CLVS1: variants seen among roughly 807,000 people sequenced by gnomAD.
CLVS1 encodes clavesin-1.
In CLVS1, 10 loss-of-function variants were observed where a neutral mutation model predicts 33.1. The observed-to-expected ratio is 0.30, with a 90% CI of 0.19 to 0.51. The LOEUF is 0.51. Among genes scored for constraint, CLVS1 ranks in the 20% least tolerant of loss-of-function variants. CLVS1 has a pLI of 0.97. For synonymous variants in CLVS1, 163 were observed against 166.1 expected (o/e 0.98, Z 0.14); for missense variants, 343 against 433.4 (o/e 0.79, Z 1.85).
chr8:61,292,904 T>G (rs1255776080), intron 1 of CLVS1, among the ~76,000 whole-genome samples: 1 of 152,216 alleles, frequency 6.6e-6, no homozygotes, highest in African/African-American at 2.4e-5. Flanking sequence ...TCTAGAATCC[T>G]CTGTCACATA....
At position 61,232,022 on chromosome 8, in the gene CLVS1, G is replaced by GTTTTTTTT. The variant is rs376185436; in HGVS notation, c.-151-67655_-151-67654insTTTTTTTT. On this transcript the variant is annotated intron_variant, in intron 2 of 2. Coordinates refer to the CLVS1 transcript ENST00000522621. Reference sequence around the variant, plus strand: ...GAGAAGGAGCCCTGAGGAAAGTTGTGGTTTTTTTTTTTTTTTTTTTTTTTT... The same window carrying GTTTTTTTT: ...GAGAAGGAGCCCTGAGGAAAGTTGTGTTTTTTTTGTTTTTTTTTTTTTTTTTTTTTTTT... Among the ~76,000 whole-genome samples the GTTTTTTTT allele has an allele frequency of 7.1e-4, 83 of 117,064 alleles. 11 individuals carry two copies. The highest frequency in any genetic ancestry group is 7.8e-3 in the Middle Eastern group (2 of 256). 76.8% of individuals were successfully genotyped at this position (117,064 alleles called of 152,430 possible).
intron 5 of CLVS1, among the ~76,000 whole-genome samples, chr8:61,477,282 A>G (rs1208010662): frequency 6.6e-6 from 1 of 152,120 alleles, no homozygotes; most frequent in Non-Finnish European, 1.5e-5. Flanking sequence ...TGTCTCTGCC[A>G]GGCTTTGGTA....
At chr8:61,331,823 T>TTCC (rs71257360) in intron 2 of CLVS1, among the ~76,000 whole-genome samples, 4,771 of 142,008 alleles carry the variant, frequency 0.034, 200 homozygotes, top group African/African-American at 0.1. Flanking sequence ...CCTCCTCCTC[T>TTCC]TCCTCCTCCT....
chr8:61,025,120 T>C, the CLVS1 span, among the ~76,000 whole-genome samples: 1 of 152,338 alleles, frequency 6.6e-6, no homozygotes, highest in South Asian at 2.1e-4. Flanking sequence ...GTGCTGGGAT[T>C]ACAGGCATGA....
At chr8:61,395,306 G>A (rs1814479282) in intron 3 of CLVS1, among the ~76,000 whole-genome samples, 1 of 152,158 alleles carries the variant, frequency 6.6e-6, no homozygotes, top group Non-Finnish European at 1.5e-5. Flanking sequence ...GGGGGAGAGG[G>A]GGAGGAATGG....
chr8:61,235,815 G>A (rs1376931961), intron 2 of CLVS1, among the ~76,000 whole-genome samples: 4 of 152,206 alleles, frequency 2.6e-5, no homozygotes, highest in South Asian at 4.2e-4. Context: ...GCCACTTCTT[G>A]TTGCTAGAGA....
At chr8:61,314,306 T>C (rs900497648) in intron 2 of CLVS1, among the ~76,000 whole-genome samples, 26 of 152,240 alleles carry the variant, frequency 1.7e-4, no homozygotes, top group Non-Finnish European at 1.5e-5. Context: ...CCACCATGGG[T>C]AGGGTATTTC....
At chr8:61,201,338 A>T (rs755200624) in intron 2 of CLVS1, among the ~76,000 whole-genome samples, 3 of 152,162 alleles carry the variant, frequency 2.0e-5, no homozygotes, top group African/African-American at 7.2e-5. Flanking sequence ...GGCAAGTAAG[A>T]AAAGTTAGTA....
chr8:61,091,564 G>A (rs1429160039), intron 1 of CLVS1, among the ~76,000 whole-genome samples: 1 of 152,234 alleles, frequency 6.6e-6, no homozygotes, highest in South Asian at 2.1e-4. Flanking sequence ...ATTATAACTG[G>A]TGAATCTATT....
chr8:61,444,317 A>G (rs1381058640), intron 3 of CLVS1, among the ~76,000 whole-genome samples: 1 of 152,156 alleles, frequency 6.6e-6, no homozygotes, highest in Admixed American at 6.5e-5. Context: ...GTTGTTGGGG[A>G]AAAACATTCA....
rs1405041302 is a variant in CLVS1 at position 61,195,498 on chromosome 8, C to CT, written c.-152+63647dup. The stretch of plus-strand genomic sequence containing the variant: ...GTGCTTGCTTAGTTTGTAGTCCTGG[C>CT]TTTTTTTTTCCCTATGATGTGCTTA... On this transcript the variant is annotated intron_variant, in intron 2 of 2. Coordinates refer to the CLVS1 transcript ENST00000522621. Among the ~76,000 whole-genome samples, 1,086 of 150,834 alleles carry CT rather than the reference C, an allele frequency of 7.2e-3. 17 individuals carry two copies. The highest frequency in any genetic ancestry group is 0.024 in the African/African-American group (986 of 41,182).
intron 2 of CLVS1, among the ~76,000 whole-genome samples, chr8:61,234,687 A>G (rs1808518737): frequency 6.6e-6 from 1 of 152,130 alleles, no homozygotes. Context: ...CAGGCGGACA[A>G]TGGCAGACCC....
At chr8:61,029,380 G>A in the CLVS1 span, among the ~76,000 whole-genome samples, 10 of 152,184 alleles carry the variant, frequency 6.6e-5, no homozygotes, top group African/African-American at 2.4e-4. Flanking sequence ...GAGAAGAACA[G>A]AGGGAGGCGG....
rs79259832 is a variant in CLVS1 at position 61,312,783 on chromosome 8, G to A, written c.455+12501G>A. 1.3e-3 allele frequency among the ~76,000 whole-genome samples: 193 copies of A among 152,222 alleles called. 3 individuals carry two copies. The highest frequency in any genetic ancestry group is 3.4e-3 in the African/African-American group (141 of 41,530). On this transcript the variant is annotated intron_variant, in intron 2 of 5. Transcript: ENST00000325897. ...TAATCTCGACAAAATCGCAAAGCTC[G>A]TTAGTGCTTTGATCTCTCTCTCCTT...
At chr8:61,349,545 C>T (rs977141113) in intron 2 of CLVS1, among the ~76,000 whole-genome samples, 31 of 151,868 alleles carry the variant, frequency 2.0e-4, no homozygotes, top group African/African-American at 7.3e-4. Context: ...TTTGGGTGGG[C>T]AGATGGTACA....
chr8:61,246,202 G>A (rs1275498790), intron 2 of CLVS1, among the ~76,000 whole-genome samples: 1 of 60,384 alleles, frequency 1.7e-5, no homozygotes, highest in African/African-American at 4.6e-5. Flanking sequence ...TTTTTGAGAC[G>A]GAGTCTCACT....
At chr8:61,483,677 A>G (rs934109815) in intron 5 of CLVS1, among the ~76,000 whole-genome samples, 7 of 152,254 alleles carry the variant, frequency 4.6e-5, no homozygotes, top group Non-Finnish European at 8.8e-5. Context: ...ATCCTTGATG[A>G]ACATTGATGC....
At chr8:61,154,384 A>G (rs1806610189) in intron 2 of CLVS1, among the ~76,000 whole-genome samples, 1 of 152,184 alleles carries the variant, frequency 6.6e-6, no homozygotes, top group Non-Finnish European at 1.5e-5. Context: ...AAAACATTTC[A>G]ATTCAAAAAT....
intron 2 of CLVS1, among the ~76,000 whole-genome samples, chr8:61,201,245 C>T (rs1227842837): frequency 6.6e-6 from 1 of 152,122 alleles, no homozygotes; most frequent in Non-Finnish European, 1.5e-5. Flanking sequence ...GATGGGTTAG[C>T]TAACCTTACA....
Sources: allele counts gnomAD v4.1 joint callset (sites outside exome capture counted in the v4.1 genomes callset), GRCh38; gene constraint gnomAD v4.1.1; transcripts MANE v1.5; gene names NCBI Gene and HGNC (gene_info 2026-07-23, HGNC 2026-07-21).